Variants in FTH1 observed in about 807,000 individuals in gnomAD.
The protein encoded by FTH1 is ferritin heavy chain 1, also known as ferritin heavy chain.
In FTH1, 3 loss-of-function variants were observed where a neutral mutation model predicts 21.8. The observed-to-expected ratio is 0.14, with a 90% confidence interval of 0.06 to 0.36. The LOEUF (loss-of-function observed/expected upper bound fraction) is 0.36. FTH1 is among the 10% of genes least tolerant of loss of function. The pLI, the probability that FTH1 is intolerant of heterozygous loss-of-function variation, is 1.00. For missense variants in FTH1, 147 were observed against 225.8 expected (o/e 0.65, Z 2.24); for synonymous variants, 83 against 90.1 (o/e 0.92, Z 0.45).
Position 61,965,518 on chromosome 11 carries a change from G to GAA in FTH1, c.115-5_115-4dup, listed in dbSNP as rs765255565. 6.2e-7 allele frequency: 1 copy of GAA among 1,600,512 alleles called. No individual in the cohort carries two copies. The highest frequency in any genetic ancestry group is 1.1e-5 in the South Asian group (1 of 91,078). ...TCATCGCGGTCAAAGTAGTAAGACT[G>GAA]AAAGGGGAACACTGAATGTGTTATA... On this transcript the variant is annotated splice_region_variant and splice_polypyrimidine_tract_variant and intron_variant, in intron 1 of 3. Coordinates refer to ENST00000273550, the MANE Select transcript of FTH1 (RefSeq NM_002032.3).
rs1942419075 is a variant in FTH1 at position 61,965,051 on chromosome 11, T to A, written c.323A>T (p.Glu108Val). ...LNAMECALHL[E>V]KNVNQSLLEL... The stretch of plus-strand genomic sequence containing the variant: ...CAGTAGTGACTGATTCACATTTTTT[T>A]CCAAATGTAATGCACACTCCATTGC... The change falls in exon 3 of 4, where the codon GAA becomes GTA. Residue 108 changes from glutamate to valine, a missense_variant. Glu to Val is a moderately radical substitution (Grantham distance 121). Transcript: ENST00000273550. 4.3e-6 allele frequency: 7 copies of A among 1,612,458 alleles called. No individual in the cohort carries two copies. The highest frequency in any genetic ancestry group is 5.9e-6 in the Non-Finnish European group (7 of 1,180,008).
chr11:61,964,606 AAG>A lies in FTH1; in HGVS notation c.*119_*120del, dbSNP rs1321634749. On this transcript the variant is annotated 3_prime_UTR_variant, in exon 4 of 4. Coordinates refer to ENST00000273550, the MANE Select transcript of FTH1 (RefSeq NM_002032.3). ...TTATTTGAAGGAATGGTACAAATCA[AAG>A]AACTTAAGTGGATGTTTTGGTACAA... 4.5e-6 allele frequency: 5 copies of A among 1,121,898 alleles called. No homozygotes were observed. The highest frequency in any genetic ancestry group is 6.5e-6 in the Non-Finnish European group (5 of 763,954). 69.5% of individuals were successfully genotyped at this position (1,121,898 alleles called of 1,614,324 possible).
Position 61,967,544 on chromosome 11 carries a change from C to T in FTH1, c.-119G>A, listed in dbSNP as rs11554875. On this transcript the variant is annotated 5_prime_UTR_variant, in exon 1 of 4. Coordinates refer to ENST00000273550, the MANE Select transcript of FTH1 (RefSeq NM_002032.3). ...GAGGTGACGGAGGGCTGGCTATGGG[C>T]GGCCGGCCGGGGTGGGGAACGAGCG... 3.9e-6 allele frequency: 3 copies of T among 763,048 alleles called. No individual in the cohort carries two copies. The highest frequency in any genetic ancestry group is 6.7e-6 in the Non-Finnish European group (3 of 446,680). The allele number at this position is 763,048 out of a possible 1,614,324, so 47.3% of individuals were successfully genotyped here. A position where few individuals can be genotyped will look rare whatever the true frequency, so the allele number is the denominator to read the frequency against.
chr11:61,965,544 C>G, intron 1 of FTH1, 29 bp from the exon 2 acceptor site: 1 of 1,599,196 alleles, frequency 6.3e-7, no homozygotes, highest in East Asian at 2.2e-5. Flanking sequence ...ATGTGTTATA[C>G]TAGGGATCCC....
intron 1 of FTH1, 171 bp downstream of exon 1, chr11:61,967,141 C>T (rs1039345270): frequency 1.4e-5 from 6 of 440,084 alleles, no homozygotes; most frequent in African/African-American, 1.1e-4. Context: ...AACCAGCTGC[C>T]CCGACTTTCT....
chr11:61,965,542 T>C (rs528773146), intron 1 of FTH1, 27 bp from the exon 2 acceptor site: 6 of 1,599,310 alleles, frequency 3.8e-6, no homozygotes, highest in Middle Eastern at 3.3e-4. Context: ...GAATGTGTTA[T>C]ACTAGGGATC....
rs370105090 is a variant in FTH1 at position 61,967,369 on chromosome 11, G to A, written c.57C>T (p.Ala19=). The A allele has an allele frequency of 4.6e-5, 74 of 1,607,252 alleles. No individual in the cohort carries two copies. In the African/African-American group the frequency reaches 7.2e-4, roughly 16 times the overall value. ...CCAGGTTGATCTGGCGGTTGATGGC[G>A]GCCTCTGAGTCCTGGTGGTAGTTCT... The part of the protein sequence containing the change: ...VRQNYHQDSE[A]AINRQINLEL... Residue 19 remains alanine, a synonymous_variant, in exon 1 of 4, where the codon GCC becomes GCT. Transcript: ENST00000273550.
chr11:61,964,584 T>C lies in FTH1; in HGVS notation c.*143A>G. 1.1e-6 allele frequency: 1 copy of C among 951,516 alleles called. No individual in the cohort carries two copies. The highest frequency in any genetic ancestry group is 1.6e-6 in the Non-Finnish European group (1 of 623,604). 58.9% of individuals were successfully genotyped at this position (951,516 alleles called of 1,614,324 possible). ...AACACCTGGGTACCAAATTTCTTTA[T>C]TTGAAGGAATGGTACAAATCAAAGA... On this transcript the variant is annotated 3_prime_UTR_variant, in exon 4 of 4. Coordinates refer to ENST00000273550, the MANE Select transcript of FTH1 (RefSeq NM_002032.3).
intron 1 of FTH1, among the ~76,000 whole-genome samples, chr11:61,966,731 G>A (rs1335441545): frequency 1.3e-5 from 2 of 152,310 alleles, no homozygotes; most frequent in East Asian, 1.9e-4. Context: ...CTGCAGAAGG[G>A]GCGATTCCTA....
chr11:61,965,872 G>C (rs1942446255), intron 1 of FTH1, among the ~76,000 whole-genome samples: 1 of 152,184 alleles, frequency 6.6e-6, no homozygotes, highest in African/African-American at 2.4e-5. Context: ...CTGGAGTACT[G>C]ACCCTGCACT....
chr11:61,967,104 G>A (rs942610002), intron 1 of FTH1: 4 of 398,144 alleles, frequency 1.0e-5, no homozygotes, highest in African/African-American at 8.6e-5. Flanking sequence ...GCCTAGGAGG[G>A]AGCATTCTCA....
intron 2 of FTH1, 23 bp from the exon 3 acceptor site, chr11:61,965,135 A>C (rs752433391): frequency 6.2e-7 from 1 of 1,602,744 alleles, no homozygotes; most frequent in Admixed American, 1.7e-5. Context: ...AGGTTAATGC[A>C]TCTCTACCAA....
chr11:61,965,319 C>T (rs144920458), intron 2 of FTH1, 50 bp downstream of exon 2: 27 of 1,611,054 alleles, frequency 1.7e-5, no homozygotes, highest in African/African-American at 1.3e-4. Flanking sequence ...TTCTGATACC[C>T]GAACACTGCC....
At position 61,964,912 on chromosome 11, in the gene FTH1, CAGTT is replaced by C. The variant is rs758109637; in HGVS notation, c.388-25_388-22del. ...CACAACTGCAAAACAATGGGGAAGACAGTTAGTGGGCAGCTTTCCCAATCCCTAA... is the reference window on the plus strand; with the variant it reads ...CACAACTGCAAAACAATGGGGAAGACAGTGGGCAGCTTTCCCAATCCCTAA... On this transcript the variant is annotated intron_variant, in intron 3 of 3. Transcript: ENST00000273550. The C allele has an allele frequency of 5.9e-4, 953 of 1,612,826 alleles. 2 individuals carry two copies. The highest frequency in any genetic ancestry group is 1.5e-3 in the South Asian group (137 of 91,092).
chr11:61,967,615 C>G lies in FTH1; in HGVS notation c.-190G>C. ...GTTGAAGCAGGAAACCCCGACGACTCTCGGCGAAGAACGTCTGGCCCTGCG... is the reference window on the plus strand; with the variant it reads ...GTTGAAGCAGGAAACCCCGACGACTGTCGGCGAAGAACGTCTGGCCCTGCG... On this transcript the variant is annotated 5_prime_UTR_variant, in exon 1 of 4. Transcript: ENST00000273550. The G allele has an allele frequency of 1.5e-6, 1 of 667,616 alleles. No individual in the cohort carries two copies. Among genetic ancestry groups the G allele is most frequent in the Non-Finnish European group, 2.7e-6 (1 of 364,126 alleles). 41.4% of individuals were successfully genotyped at this position (667,616 alleles called of 1,614,324 possible).
At chr11:61,966,049 C>G (rs181553435) in intron 1 of FTH1, among the ~76,000 whole-genome samples, 21 of 152,110 alleles carry the variant, frequency 1.4e-4, no homozygotes, top group Non-Finnish European at 2.2e-4. Flanking sequence ...CCGAGGCAGG[C>G]GGATCACGAG....
Position 61,964,771 on chromosome 11 carries a change from G to A in FTH1, c.508C>T (p.Leu170Phe). The change falls in exon 4 of 4, where the codon CTC becomes TTC. Residue 170 changes from leucine to phenylalanine, a missense_variant. By Grantham distance (22) the Leu-to-Phe change is conservative (BLOSUM62 0). Transcript: ENST00000273550. ...TCTCCCAGGGTGTGCTTGTCAAAGA[G>A]ATATTCCGCCAAGCCAGATTCGGGC... is the stretch of plus-strand genomic sequence containing the variant. ...GAPESGLAEY[L>F]FDKHTLGDSD... 2 of 1,599,690 alleles carry A rather than the reference G, an allele frequency of 1.3e-6. No homozygotes were observed. The highest frequency in any genetic ancestry group is 1.7e-6 in the Non-Finnish European group (2 of 1,179,956).
chr11:61,965,094 A>G lies in FTH1; in HGVS notation c.280T>C (p.Trp94Arg). The change falls in exon 3 of 4, where the codon TGG (tryptophan) becomes CGG (arginine). Residue 94 changes from tryptophan (W) to arginine (R), a missense_variant. Trp to Arg is a moderately radical substitution (Grantham distance 101). Coordinates refer to ENST00000273550, the MANE Select transcript of FTH1 (RefSeq NM_002032.3). ...TCCATTGCATTCAGCCCGCTCTCCC[A>G]GTCATCACAGTCTGGTTTCTGAATG... ...QDIKKPDCDD[W>R]ESGLNAMECA... The G allele has an allele frequency of 6.2e-7, 1 of 1,605,738 alleles. No homozygotes were observed. The highest frequency in any genetic ancestry group is 2.2e-5 in the East Asian group (1 of 44,894).
intron 1 of FTH1, 52 bp downstream of exon 1, chr11:61,967,259 GC>G: frequency 1.7e-6 from 2 of 1,210,858 alleles, no homozygotes; most frequent in Admixed American, 2.6e-5. Context: ...CCCAGCGCGC[GC>G]CCCGGGAACC....
Sources: gnomAD v4.1 joint callset for allele counts (sites outside exome capture counted in the v4.1 genomes callset) on GRCh38, gnomAD v4.1.1 for gene constraint, MANE v1.5 for transcripts, NCBI Gene and HGNC (gene_info 2026-07-23, HGNC 2026-07-21) for gene names.